The following MGAM2 variants were observed in gnomAD, a reference collection of about 807,000 sequenced individuals.
MGAM2 encodes maltase-glucoamylase 2 (putative).
A neutral mutation model predicts 96.1 loss-of-function variants in MGAM2; 98 were observed. The observed-to-expected ratio is 1.02, with a 90% CI of 0.87 to 1.21. The LOEUF is 1.21. MGAM2 is among the 50% of genes most tolerant of loss of function. The pLI, the probability that MGAM2 is intolerant of heterozygous loss-of-function variation, is 0.00. For synonymous variants in MGAM2, 749 were observed against 414.8 expected, an observed-to-expected ratio of 1.81 and a Z score of -9.79; for missense variants, 2,055 against 1,182.4, an observed-to-expected ratio of 1.74 and a Z score of -10.82.
chr7:142,133,265 TTAA>T (rs1476074496), intron 6 of MGAM2, among the ~76,000 whole-genome samples: 8 of 145,174 alleles, frequency 5.5e-5, no homozygotes, highest in Non-Finnish European at 1.2e-4. Flanking sequence ...TATATAAAAT[TTAA>T]TAATATATAT....
chr7:142,134,182 C>G (rs867942138), intron 7 of MGAM2, 30 bp downstream of exon 7: 3 of 713,026 alleles, frequency 4.2e-6, no homozygotes, highest in Non-Finnish European at 5.1e-6. Context: ...GAGTATCGCC[C>G]ACAGTAAGGG....
intron 46 of MGAM2, among the ~76,000 whole-genome samples, chr7:142,210,575 A>G (rs1797549580): frequency 6.6e-6 from 1 of 152,054 alleles, no homozygotes; most frequent in Non-Finnish European, 1.5e-5. Flanking sequence ...GCCACCAGGA[A>G]GTTCGAACTG....
chr7:142,120,197 C>A (rs947007834), intron 2 of MGAM2, 105 bp from the exon 3 acceptor site: 3 of 636,716 alleles, frequency 4.7e-6, no homozygotes, highest in Non-Finnish European at 8.6e-6. Flanking sequence ...TACCGGTGAT[C>A]TGTTGTGTGG....
intron 15 of MGAM2, among the ~76,000 whole-genome samples, chr7:142,149,272 GCT>G (rs1409380686): frequency 6.6e-6 from 1 of 151,656 alleles, no homozygotes; most frequent in African/African-American, 2.4e-5. Flanking sequence ...TGGTGCCTCT[GCT>G]CTCTTTCCAG....
At chr7:142,194,051 A>G (rs1367872751) in intron 37 of MGAM2, among the ~76,000 whole-genome samples, 41 of 143,988 alleles carry the variant, frequency 2.8e-4, no homozygotes, top group Non-Finnish European at 4.1e-4. Context: ...TTTTTTTTTT[A>G]AGATGGAGTC....
chr7:142,127,878 A>G (rs1216893184), intron 3 of MGAM2, among the ~76,000 whole-genome samples: 1 of 152,202 alleles, frequency 6.6e-6, no homozygotes, highest in Non-Finnish European at 1.5e-5. Context: ...TGACTAATAC[A>G]GTAAATTGGT....
At chr7:142,199,487 A>G (rs1191913453) in intron 44 of MGAM2, among the ~76,000 whole-genome samples, 3 of 152,164 alleles carry the variant, frequency 2.0e-5, no homozygotes, top group Non-Finnish European at 2.9e-5. Context: ...AGATAAAAAT[A>G]AGTAAAACTC....
chr7:142,218,521 C>A lies in MGAM2; in HGVS notation c.5348C>A (p.Pro1783His). ...QFMETNFKSE[P>H]YNQILTIQLT... ...ATGGAGACAAATTTCAAGAGTGAAC[C>A]TTATAATCAGGTAGGTCTGAAAGGA... is the stretch of plus-strand genomic sequence containing the variant. Residue 1783 changes from proline (P) to histidine (H), a missense_variant, in exon 47 of 48, where the codon CCT becomes CAT. Transcript: ENST00000477922. The A allele has an allele frequency of 1.4e-6, 1 of 695,632 alleles. No homozygotes were observed. The allele number at this position is 695,632 out of a possible 1,614,324, so 43.1% of individuals were successfully genotyped here.
At chr7:142,147,657 T>A in intron 15 of MGAM2, 84 bp downstream of exon 15, 1 of 585,538 alleles carries the variant, frequency 1.7e-6, no homozygotes, top group Admixed American at 3.2e-5. Flanking sequence ...CTATATGTAA[T>A]ATATTGTTCA....
intron 46 of MGAM2, among the ~76,000 whole-genome samples, chr7:142,209,978 C>A (rs772561493): frequency 3.9e-5 from 6 of 152,190 alleles, no homozygotes; most frequent in Non-Finnish European, 7.3e-5. Context: ...ATGCAGAAGG[C>A]AGGTGATTTC....
chr7:142,132,877 AAT>A (rs1176042328), intron 6 of MGAM2, among the ~76,000 whole-genome samples: 1 of 129,676 alleles, frequency 7.7e-6, no homozygotes, highest in Non-Finnish European at 1.5e-5. Context: ...AATTAAATAT[AAT>A]ATATAATATA....
intron 38 of MGAM2, 78 bp downstream of exon 38, chr7:142,196,365 G>A (rs1348127684): frequency 2.1e-5 from 14 of 661,008 alleles, no homozygotes; most frequent in Non-Finnish European, 3.6e-5. Context: ...CACTGGTTAT[G>A]TCTCTATCAT....
intron 33 of MGAM2, 33 bp from the exon 34 acceptor site, chr7:142,185,044 G>C: frequency 4.3e-6 from 3 of 702,522 alleles, no homozygotes; most frequent in Non-Finnish European, 7.8e-6. Flanking sequence ...GCAAGGATCT[G>C]TAAAGGTTTT....
Position 142,154,818 on chromosome 7 carries a change from A to G in MGAM2, c.1896A>G (p.Pro632=), listed in dbSNP as rs1349568093. ...AGCTTGGAGCATTTTATCCACTACCAAGGAATCACAATGGGCCTGGGTTCA... is the reference window on the plus strand; with the variant it reads ...AGCTTGGAGCATTTTATCCACTACCGAGGAATCACAATGGGCCTGGGTTCA... ...WMQLGAFYPL[P]RNHNGPGFRD... is the part of the protein sequence containing the mutation. Residue 632 remains proline, a synonymous_variant, in exon 17 of 48, where the codon CCA becomes CCG. Transcript: ENST00000477922. The G allele has an allele frequency of 5.7e-6, 4 of 703,532 alleles. No homozygotes were observed. Among genetic ancestry groups the G allele is most frequent in the Non-Finnish European group, 7.8e-6 (3 of 385,062 alleles). The allele number at this position is 703,532 out of a possible 1,614,324, so 43.6% of individuals were successfully genotyped here. A position where few individuals can be genotyped will look rare whatever the true frequency, so the allele number is the denominator to read the frequency against.
chr7:142,186,331 A>G (rs1357697990), intron 35 of MGAM2, among the ~76,000 whole-genome samples: 1 of 152,122 alleles, frequency 6.6e-6, no homozygotes, highest in East Asian at 1.9e-4. Context: ...TGGATGTTGG[A>G]GCCCACAGAG....
intron 43 of MGAM2, among the ~76,000 whole-genome samples, chr7:142,198,398 C>A (rs528684479): frequency 1.7e-4 from 26 of 152,264 alleles, no homozygotes; most frequent in African/African-American, 6.3e-4. Flanking sequence ...CCCCCCTCAC[C>A]CTTGCCCTTG....
chr7:142,122,608 A>G (rs1051994662), intron 3 of MGAM2, among the ~76,000 whole-genome samples: 6 of 152,216 alleles, frequency 3.9e-5, no homozygotes, highest in African/African-American at 1.2e-4. Context: ...ACTTCATATG[A>G]ATGGAATCAC....
chr7:142,150,871 G>T (rs1795558439), intron 15 of MGAM2, among the ~76,000 whole-genome samples: 1 of 152,048 alleles, frequency 6.6e-6, no homozygotes, highest in South Asian at 2.1e-4. Context: ...AAATCCAAGT[G>T]CTATTCATTC....
At chr7:142,161,778 G>A (rs1388810618) in intron 22 of MGAM2, among the ~76,000 whole-genome samples, 177 bp from the exon 23 acceptor site, 1 of 152,156 alleles carries the variant, frequency 6.6e-6, no homozygotes, top group Non-Finnish European at 1.5e-5. Flanking sequence ...AGACTGACAT[G>A]TGAATTTAGA....
Sources: allele counts gnomAD v4.1 joint callset (sites outside exome capture counted in the v4.1 genomes callset), GRCh38; gene constraint gnomAD v4.1.1; transcripts MANE v1.5; gene names NCBI Gene and HGNC (gene_info 2026-07-23, HGNC 2026-07-21).